RNF19A: variants seen among roughly 807,000 people sequenced by gnomAD.
RNF19A encodes E3 ubiquitin-protein ligase RNF19A.
Under a neutral mutation model 75.7 loss-of-function variants are expected in RNF19A, and 32 were observed. That is an observed-to-expected ratio of 0.42 (90% confidence interval 0.32 to 0.57). The LOEUF (loss-of-function observed/expected upper bound fraction) is 0.57. RNF19A is among the 20% of genes least tolerant of loss of function. The probability of loss-of-function intolerance (pLI) is 0.10; values close to 1 mark genes in which losing one functional copy is unlikely to be tolerated. For missense variants in RNF19A, 782 were observed against 1,036.3 expected (o/e 0.75, Z 3.37); for synonymous variants, 335 against 345.2 (o/e 0.97, Z 0.33).
At position 100,258,517 on chromosome 8, in the gene RNF19A, C is replaced by T. The variant is rs145481850; in HGVS notation, c.*39G>A. 1.6e-4 allele frequency: 249 copies of T among 1,509,318 alleles called. 1 individual carries two copies. In the East Asian group the frequency reaches 5.2e-3, roughly 31 times the overall value. 93.5% of individuals were successfully genotyped at this position (1,509,318 alleles called of 1,614,324 possible). On this transcript the variant is annotated 3_prime_UTR_variant, in exon 10 of 10. Transcript: ENST00000341084. This position sits in a 1 kb window ranked among gnomAD's most constrained non-coding sequence, Gnocchi z 4.3. ...CATGTAGTTCAACCAGCTCCAAACA[C>T]GGTTGTACAGTGGTAATTATTCTGC...
chr8:100,307,569 A>AG (rs1167005279), intron 1 of RNF19A, among the ~76,000 whole-genome samples: 1 of 151,726 alleles, frequency 6.6e-6, no homozygotes, highest in Middle Eastern at 3.2e-3. Flanking sequence ...CGTGGTGGGG[A>AG]GGGGGTGTCA....
At chr8:100,308,779 C>A (rs1484811552) in intron 1 of RNF19A, among the ~76,000 whole-genome samples, 1 of 152,172 alleles carries the variant, frequency 6.6e-6, no homozygotes, top group Non-Finnish European at 1.5e-5. Context: ...TTTACTAACA[C>A]TTAAAATTAG....
chr8:100,328,478 CTT>C (rs763012920), intron 1 of RNF19A, among the ~76,000 whole-genome samples: 3 of 145,548 alleles, frequency 2.1e-5, no homozygotes, highest in Non-Finnish European at 3.0e-5. Flanking sequence ...TGTTTGTTTG[CTT>C]TTTTTTTTTG....
intron 3 of RNF19A, among the ~76,000 whole-genome samples, chr8:100,273,742 A>G (rs1009866386): frequency 5.3e-5 from 8 of 152,150 alleles, no homozygotes; most frequent in Non-Finnish European, 8.8e-5. Context: ...TATTTCAACT[A>G]TATGGACATA....
intron 2 of RNF19A, among the ~76,000 whole-genome samples, chr8:100,276,744 GA>G (rs1193317729): frequency 1.5e-5 from 2 of 136,354 alleles, no homozygotes; most frequent in African/African-American, 2.8e-5. Flanking sequence ...AAAAAAAAAA[GA>G]AAAAAAGGAG....
Position 100,260,452 on chromosome 8 carries a change from T to C in RNF19A, c.1683-455A>G, listed in dbSNP as rs774655073. ...TACTTTATTTATTTATATATATTTTTAGAGACAGGGTCTCGTTATGTTGCC... is the reference window on the plus strand; with the variant it reads ...TACTTTATTTATTTATATATATTTTCAGAGACAGGGTCTCGTTATGTTGCC... On this transcript the variant is annotated intron_variant, in intron 8 of 9. Coordinates refer to ENST00000341084, the MANE Select transcript of RNF19A (RefSeq NM_183419.4). This position sits in a 1 kb window ranked among gnomAD's most constrained non-coding sequence, Gnocchi z 4.1. Among the ~76,000 whole-genome samples the C allele has an allele frequency of 6.6e-6, 1 of 152,164 alleles. No homozygotes were observed. The highest frequency in any genetic ancestry group is 1.5e-5 in the Non-Finnish European group (1 of 68,024).
chr8:100,286,405 C>A (rs1210462776), intron 2 of RNF19A, among the ~76,000 whole-genome samples: 1 of 152,140 alleles, frequency 6.6e-6, no homozygotes, highest in Non-Finnish European at 1.5e-5. Flanking sequence ...ATATCTGAAT[C>A]CTACATACAA....
At chr8:100,318,664 A>G (rs550940539) in intron 1 of RNF19A, among the ~76,000 whole-genome samples, 9 of 152,368 alleles carry the variant, frequency 5.9e-5, no homozygotes, top group African/African-American at 2.2e-4. Context: ...GATTCCAAAC[A>G]AAAGCAAACA....
At chr8:100,277,215 T>G (rs2129749418) in intron 2 of RNF19A, among the ~76,000 whole-genome samples, 1 of 152,316 alleles carries the variant, frequency 6.6e-6, no homozygotes, top group South Asian at 2.1e-4. Context: ...TAATTGTAAC[T>G]GAGATTGCAA....
At chr8:100,289,432 C>T (rs1309505673) in intron 1 of RNF19A, among the ~76,000 whole-genome samples, 1 of 152,182 alleles carries the variant, frequency 6.6e-6, no homozygotes, top group Non-Finnish European at 1.5e-5. Flanking sequence ...CTAATAAAGG[C>T]ACAGTGCCCA....
At position 100,264,533 on chromosome 8, in the gene RNF19A, T is replaced by C; in HGVS notation, c.1306+138A>G. Reference sequence around the variant, plus strand: ...TACTTTAAGGCTAGGCTCTTGAATCTGTAATACTTTCAACCAAGACTTACT... The same window carrying C: ...TACTTTAAGGCTAGGCTCTTGAATCCGTAATACTTTCAACCAAGACTTACT... On this transcript the variant is annotated intron_variant, in intron 6 of 9. Transcript: ENST00000341084. This position sits in a 1 kb window ranked among gnomAD's most constrained non-coding sequence, Gnocchi z 4.7. 1.6e-6 allele frequency: 1 copy of C among 642,878 alleles called. No homozygotes were observed. The allele number at this position is 642,878 out of a possible 1,614,324, so 39.8% of individuals were successfully genotyped here.
chr8:100,330,692 ATTACCTG>A lies in RNF19A; in HGVS notation c.-243+5409_-243+5415del, dbSNP rs1175664055. ...ACTTTCCAGTTACCCAAGGCAATAA[ATTACCTG>A]TTTTATTTAGCTCTCCATCTCTTGA... On this transcript the variant is annotated intron_variant, in intron 1 of 3. Transcript: ENST00000519527. The surrounding 1 kb of genome is among the most constrained non-coding windows in gnomAD (Gnocchi z 4.1). 2.6e-5 allele frequency among the ~76,000 whole-genome samples: 4 copies of A among 152,316 alleles called. No individual in the cohort carries two copies. Among genetic ancestry groups the A allele is most frequent in the African/African-American group, 9.6e-5 (4 of 41,576 alleles).
chr8:100,260,076 TAAG>T lies in RNF19A; in HGVS notation c.1683-82_1683-80del, dbSNP rs1339120792. 1.6e-6 allele frequency: 2 copies of T among 1,269,904 alleles called. No individual in the cohort carries two copies. The highest frequency in any genetic ancestry group is 3.0e-5 in the African/African-American group (2 of 66,496). 78.7% of individuals were successfully genotyped at this position (1,269,904 alleles called of 1,614,324 possible). On this transcript the variant is annotated intron_variant, in intron 8 of 9. Transcript: ENST00000341084. This position sits in a 1 kb window ranked among gnomAD's most constrained non-coding sequence, Gnocchi z 4.1. The stretch of plus-strand genomic sequence containing the variant: ...AATATGTATCTTTAAATAATTCAGT[TAAG>T]AACCCTAGTAACCAGAAGCTATTTT...
In RNF19A at chr8:100,259,366, C is replaced by T. The variant is rs1018192026; in HGVS notation, c.1827-120G>A. The T allele has an allele frequency of 1.5e-5, 11 of 716,240 alleles. No homozygotes were observed. The highest frequency in any genetic ancestry group is 9.1e-5 in the South Asian group (5 of 55,206). The allele number at this position is 716,240 out of a possible 1,614,324, so 44.4% of individuals were successfully genotyped here. Reference sequence around the variant, plus strand: ...TATATAAGCTATGAGAACACCTTAACGCAGAACACGTTCTACTTAAAAAAC... The same window carrying T: ...TATATAAGCTATGAGAACACCTTAATGCAGAACACGTTCTACTTAAAAAAC... On this transcript the variant is annotated intron_variant, in intron 9 of 9. Transcript: ENST00000341084. The surrounding 1 kb of genome is among the most constrained non-coding windows in gnomAD (Gnocchi z 4.5).
chr8:100,271,262 G>A (rs1820241409), intron 3 of RNF19A, among the ~76,000 whole-genome samples: 1 of 151,598 alleles, frequency 6.6e-6, no homozygotes, highest in Non-Finnish European at 1.5e-5. Context: ...GCCAGACCAG[G>A]ACAATTGATA....
chr8:100,264,698 A>C lies in RNF19A; in HGVS notation c.1279T>G (p.Ser427Ala). 1.2e-6 allele frequency: 2 copies of C among 1,613,168 alleles called. No homozygotes were observed. The highest frequency in any genetic ancestry group is 1.7e-6 in the Non-Finnish European group (2 of 1,179,240). ...ACAGTCACTGCAGCTACTACTGGAG[A>C]CACGATTACAGACAACGTTACACCA... ...AGGVTLSVIVSPVVAAVTVGI... is the reference protein window; with the variant it reads ...AGGVTLSVIVAPVVAAVTVGI... The change falls in exon 6 of 10, where the codon TCT (serine) becomes GCT (alanine). Residue 427 changes from serine to alanine, a missense_variant. Transcript: ENST00000341084. The surrounding 1 kb of genome is among the most constrained non-coding windows in gnomAD (Gnocchi z 4.7).
At chr8:100,318,173 C>T (rs1267581169) in intron 1 of RNF19A, among the ~76,000 whole-genome samples, 1 of 152,176 alleles carries the variant, frequency 6.6e-6, no homozygotes, top group African/African-American at 2.4e-5. Flanking sequence ...GGTTTTAGCA[C>T]CTGGTATAGT....
intron 1 of RNF19A, chr8:100,300,692 AC>A (rs1488923278): frequency 1.3e-5 from 2 of 152,234 alleles, no homozygotes; most frequent in Admixed American, 6.5e-5. Context: ...AAATAAAAAA[AC>A]AAAAGCAACA....
chr8:100,273,546 G>A (rs758652577), intron 3 of RNF19A, among the ~76,000 whole-genome samples: 22 of 152,246 alleles, frequency 1.4e-4, no homozygotes, highest in Middle Eastern at 3.4e-3. Context: ...TGGTGACTAC[G>A]TTGAGGAAGA....
Sources: allele counts gnomAD v4.1 joint callset (sites outside exome capture counted in the v4.1 genomes callset), GRCh38; gene constraint gnomAD v4.1.1; non-coding constraint Gnocchi (gnomAD v3.1); transcripts MANE v1.5; gene names NCBI Gene and HGNC (gene_info 2026-07-23, HGNC 2026-07-21).